Variants in HPSE2 observed in about 807,000 individuals in gnomAD.
HPSE2 encodes inactive heparanase-2.
In HPSE2, 38 loss-of-function variants were observed where a neutral mutation model predicts 60.5. The observed-to-expected ratio is 0.63, with a 90% confidence interval of 0.48 to 0.82. The LOEUF (loss-of-function observed/expected upper bound fraction) is 0.82, where lower values mean the gene tolerates loss of function less well. Ranked by LOEUF, HPSE2 falls within the 40% of genes least tolerant of loss-of-function variation. The pLI is 0.00. For missense variants in HPSE2, 713 were observed against 740.4 expected (o/e 0.96, Z 0.43); for synonymous variants, 295 against 293.2 (o/e 1.01, Z -0.06).
chr10:98,553,161 A>C (rs867158605), intron 9 of HPSE2, among the ~76,000 whole-genome samples: 2 of 152,302 alleles, frequency 1.3e-5, no homozygotes, highest in Middle Eastern at 3.4e-3. Flanking sequence ...AATTCAAAGC[A>C]TCTACAATGT....
At chr10:98,525,383 C>T (rs1180492542) in intron 9 of HPSE2, among the ~76,000 whole-genome samples, 1 of 152,222 alleles carries the variant, frequency 6.6e-6, no homozygotes, top group African/African-American at 2.4e-5. Context: ...AACTCTTCGC[C>T]ATCACAACAT....
chr10:99,250,700 A>T, the HPSE2 span, among the ~76,000 whole-genome samples: 1 of 152,204 alleles, frequency 6.6e-6, no homozygotes, highest in Non-Finnish European at 1.5e-5. Context: ...TACCAAGAAG[A>T]TCTCTCAAAA....
At chr10:99,077,722 G>A (rs76790496) in intron 3 of HPSE2, among the ~76,000 whole-genome samples, 21 of 10,224 alleles carry the variant, frequency 2.1e-3, no homozygotes, top group Admixed American at 6.3e-3. Flanking sequence ...GTATATATAT[G>A]TGTGTGTGTG....
chr10:99,153,048 T>A (rs1052486907), intron 2 of HPSE2, among the ~76,000 whole-genome samples: 2 of 152,188 alleles, frequency 1.3e-5, no homozygotes, highest in Non-Finnish European at 2.9e-5. Flanking sequence ...TCGGACCGGC[T>A]TAAAAAACTG....
At chr10:98,817,374 A>G (rs762825885) in intron 3 of HPSE2, among the ~76,000 whole-genome samples, 2 of 152,334 alleles carry the variant, frequency 1.3e-5, no homozygotes, top group African/African-American at 2.4e-5. Flanking sequence ...CAGAATTACA[A>G]TAACCAAATT....
intron 4 of HPSE2, among the ~76,000 whole-genome samples, chr10:98,734,246 C>A (rs1364374990): frequency 6.6e-6 from 1 of 152,178 alleles, no homozygotes; most frequent in Non-Finnish European, 1.5e-5. Flanking sequence ...TTTATCAAGT[C>A]ATCAATTGAT....
At chr10:99,114,736 A>G (rs943720754) in intron 3 of HPSE2, among the ~76,000 whole-genome samples, 2 of 151,788 alleles carry the variant, frequency 1.3e-5, no homozygotes, top group African/African-American at 4.8e-5. Context: ...AACATGGTGA[A>G]ATCCCGTCTC....
At chr10:99,268,459 T>A in the HPSE2 span, among the ~76,000 whole-genome samples, 3 of 151,826 alleles carry the variant, frequency 2.0e-5, no homozygotes, top group Non-Finnish European at 4.4e-5. Context: ...CTGGCCAACA[T>A]GGTGAAACCC....
chr10:98,814,946 T>C (rs932899792), intron 3 of HPSE2, among the ~76,000 whole-genome samples: 7 of 152,124 alleles, frequency 4.6e-5, no homozygotes, highest in Non-Finnish European at 8.8e-5. Flanking sequence ...CAGACCAATC[T>C]TCCTGCTGAG....
chr10:98,503,055 T>C (rs558334600), intron 9 of HPSE2, among the ~76,000 whole-genome samples: 2 of 151,408 alleles, frequency 1.3e-5, no homozygotes, highest in Non-Finnish European at 2.9e-5. Context: ...CTATTAAAAA[T>C]ACAAAAATTA....
chr10:98,725,297 A>G (rs1241267196), intron 4 of HPSE2, among the ~76,000 whole-genome samples: 7 of 152,214 alleles, frequency 4.6e-5, no homozygotes, highest in Non-Finnish European at 1.0e-4. Context: ...AGAGATATAG[A>G]CCAATGGAAC....
chr10:98,706,722 G>T (rs1200519312), intron 5 of HPSE2, among the ~76,000 whole-genome samples: 1 of 152,158 alleles, frequency 6.6e-6, no homozygotes, highest in East Asian at 1.9e-4. Context: ...GAGTCAAAAT[G>T]AGCTGTTCAC....
At chr10:98,741,322 GT>G (rs1209583275) in intron 4 of HPSE2, among the ~76,000 whole-genome samples, 1 of 151,616 alleles carries the variant, frequency 6.6e-6, no homozygotes, top group African/African-American at 2.4e-5. Context: ...CTTTGTTGTT[GT>G]TAACCCCTGA....
intron 3 of HPSE2, among the ~76,000 whole-genome samples, chr10:98,965,534 T>C (rs185831068): frequency 7.4e-4 from 113 of 152,200 alleles, no homozygotes; most frequent in African/African-American, 2.7e-3. Flanking sequence ...GTTCAATGAT[T>C]CTCTTCTCTA....
At chr10:99,029,875 G>T (rs1294251198) in intron 3 of HPSE2, among the ~76,000 whole-genome samples, 1 of 152,152 alleles carries the variant, frequency 6.6e-6, no homozygotes, top group African/African-American at 2.4e-5. Flanking sequence ...GGGGGAAAAG[G>T]AGACTCCCTT....
intron 9 of HPSE2, among the ~76,000 whole-genome samples, chr10:98,498,220 C>A (rs2133701969): frequency 6.6e-6 from 1 of 152,208 alleles, no homozygotes; most frequent in African/African-American, 2.4e-5. Flanking sequence ...ACCCACAGAC[C>A]CTCTGAAGGA....
chr10:98,701,643 T>TAATAA (rs61041909), intron 5 of HPSE2, among the ~76,000 whole-genome samples: 1 of 112,166 alleles, frequency 8.9e-6, no homozygotes, highest in East Asian at 2.5e-4. Context: ...AGTATAATAA[T>TAATAA]AATAAAATAA....
At chr10:98,851,191 C>A (rs1952165894) in intron 3 of HPSE2, among the ~76,000 whole-genome samples, 1 of 152,052 alleles carries the variant, frequency 6.6e-6, no homozygotes, top group Non-Finnish European at 1.5e-5. Flanking sequence ...GTGTTCTGGA[C>A]CTTATAGAAT....
At chr10:99,171,926 G>A (rs921098792) in intron 2 of HPSE2, among the ~76,000 whole-genome samples, 4 of 151,994 alleles carry the variant, frequency 2.6e-5, no homozygotes, top group African/African-American at 9.7e-5. Context: ...TTCACCAAAG[G>A]GATTGCCCTT....
Sources: gnomAD v4.1 joint callset for allele counts (sites outside exome capture counted in the v4.1 genomes callset) on GRCh38, gnomAD v4.1.1 for gene constraint, MANE v1.5 for transcripts, NCBI Gene and HGNC (gene_info 2026-07-23, HGNC 2026-07-21) for gene names.